The following ADGRD1 variants were observed in gnomAD, a reference collection of about 807,000 sequenced individuals.
ADGRD1 encodes the protein adhesion G protein-coupled receptor D1, also known as G-protein coupled receptor 133.
ADGRD1 carries 77 observed loss-of-function variants against 113.4 expected under a neutral mutation model. The ratio of observed to expected loss-of-function variants is 0.68; its 90% confidence interval spans 0.57 to 0.82. ADGRD1 has a LOEUF of 0.82. Ranked by LOEUF, ADGRD1 falls within the 40% of genes least tolerant of loss-of-function variation. ADGRD1 has a pLI of 0.00. For missense variants in ADGRD1, 1,036 were observed against 1,139.1 expected (o/e 0.91, Z 1.30); for synonymous variants, 474 against 475.0 (o/e 1.00, Z 0.03).
chr12:130,969,282 C>A (rs1299646484), intron 3 of ADGRD1: 1 of 522,282 alleles, frequency 1.9e-6, no homozygotes, highest in Admixed American at 3.6e-5. Context: ...GAACAGGGGT[C>A]CCCAGTCCCT....
intron 20 of ADGRD1, 31 bp downstream of exon 20, chr12:131,120,944 G>A (rs1160490886): frequency 2.2e-5 from 35 of 1,601,780 alleles, no homozygotes; most frequent in South Asian, 6.7e-5. Flanking sequence ...GGCGCAGAGC[G>A]GGGCTGGGGA....
At chr12:131,090,472 T>C (rs1257719640) in intron 15 of ADGRD1, among the ~76,000 whole-genome samples, 1 of 152,160 alleles carries the variant, frequency 6.6e-6, no homozygotes, top group African/African-American at 2.4e-5. Flanking sequence ...CCCTGGCTTT[T>C]CTCCATATCC....
At position 130,992,307 on chromosome 12, in the gene ADGRD1, G is replaced by A; in HGVS notation, c.881G>A (p.Gly294Glu). ...GAGAGAAAAACCTTCCAAAGTCCCG[G>A]AGTGATACTGAGTTACCTCCAAAAT... ...TEERKTFQSP[G>E]VILSYLQNVS... The change falls in exon 8 of 25, where the codon GGA becomes GAA. Residue 294 changes from glycine (G) to glutamate (E), a missense_variant. By Grantham distance (98) the Gly-to-Glu change is moderately conservative. Transcript: ENST00000261654. 2 of 1,612,956 alleles carry A rather than the reference G, an allele frequency of 1.2e-6. No individual in the cohort carries two copies. Among genetic ancestry groups the A allele is most frequent in the Non-Finnish European group, 1.7e-6 (2 of 1,179,112 alleles).
At chr12:130,963,277 G>A (rs569993775) in intron 2 of ADGRD1, among the ~76,000 whole-genome samples, 39 of 138,598 alleles carry the variant, frequency 2.8e-4, no homozygotes, top group Admixed American at 1.5e-3. Context: ...CCGAGATCGC[G>A]CCACTGCACT....
chr12:130,979,940 T>C (rs1872749856), intron 4 of ADGRD1, among the ~76,000 whole-genome samples: 1 of 151,520 alleles, frequency 6.6e-6, no homozygotes, highest in African/African-American at 2.4e-5. Context: ...CAACCAGAGC[T>C]CCAAAATGCA....
chr12:130,987,671 T>A (rs12810260), intron 6 of ADGRD1: 37,360 of 371,154 alleles, frequency 0.1, 2,276 homozygotes, highest in Middle Eastern at 0.16. Flanking sequence ...TCAACAAATG[T>A]TAGCCGTGTG....
rs569143205 is a variant in ADGRD1, at chr12:131,105,811, C to G, written c.1833C>G (p.Ala611=). The change falls in exon 17 of 25, where the codon GCC becomes GCG. Residue 611 remains alanine, a synonymous_variant. Coordinates refer to ENST00000261654, the MANE Select transcript of ADGRD1 (RefSeq NM_198827.5). ...ACATCCACGCCAACCTGTCCTTCGC[C>G]GTGCTGGTGGCCCAGGTCCTGCTGC... is the stretch of plus-strand genomic sequence containing the variant. ...RYHIHANLSF[A]VLVAQVLLLI... 1.2e-6 allele frequency: 2 copies of G among 1,601,096 alleles called. No homozygotes were observed. The highest frequency in any genetic ancestry group is 1.7e-6 in the Non-Finnish European group (2 of 1,179,944).
At chr12:130,990,787 T>C in intron 6 of ADGRD1, 1 of 459,994 alleles carries the variant, frequency 2.2e-6, no homozygotes, top group Non-Finnish European at 3.9e-6. Context: ...TCAAAAGCGA[T>C]TGAGAATACA....
At chr12:131,061,051 T>G (rs1053721362) in intron 13 of ADGRD1, among the ~76,000 whole-genome samples, 1 of 152,100 alleles carries the variant, frequency 6.6e-6, no homozygotes, top group Non-Finnish European at 1.5e-5. Flanking sequence ...GGGCGTCATA[T>G]TCTCCCTCCC....
In ADGRD1 at chr12:131,045,750, G is replaced by A. The variant is rs373887238; in HGVS notation, c.1474-31051G>A. Reference sequence around the variant, plus strand: ...CGAAGATCATGCTTTCTCCTTGGGGGACAAAGCACCACAGCTGCCGGCACC... The same window carrying A: ...CGAAGATCATGCTTTCTCCTTGGGGAACAAAGCACCACAGCTGCCGGCACC... On this transcript the variant is annotated intron_variant, in intron 13 of 24. Coordinates refer to ENST00000261654, the MANE Select transcript of ADGRD1 (RefSeq NM_198827.5). Among the ~76,000 whole-genome samples the A allele has an allele frequency of 1.2e-4, 18 of 152,260 alleles. No individual in the cohort carries two copies. In the East Asian group the frequency reaches 2.7e-3, roughly 23 times the overall value.
chr12:131,008,518 G>C (rs1045985321), intron 12 of ADGRD1, among the ~76,000 whole-genome samples: 1 of 152,212 alleles, frequency 6.6e-6, no homozygotes, highest in African/African-American at 2.4e-5. Context: ...GCCTGGGCCG[G>C]AAGGAACTTT....
intron 5 of ADGRD1, among the ~76,000 whole-genome samples, chr12:130,986,012 A>G (rs550225578): frequency 1.6e-5 from 2 of 126,302 alleles, no homozygotes; most frequent in African/African-American, 4.9e-5. Flanking sequence ...ATTCTGTCCC[A>G]CAGATCTATT....
At chr12:131,138,373 C>T (rs909712351) in intron 24 of ADGRD1, 144 bp downstream of exon 24, 5 of 675,972 alleles carry the variant, frequency 7.4e-6, no homozygotes, top group Middle Eastern at 3.6e-4. Context: ...GCAGGCTGCA[C>T]GTGCTCTGGG....
intron 13 of ADGRD1, among the ~76,000 whole-genome samples, chr12:131,032,166 CCCCCAGG>C (rs1880840330): frequency 6.7e-6 from 1 of 149,244 alleles, no homozygotes; most frequent in Non-Finnish European, 1.5e-5. Context: ...ACACAGGGCT[CCCCCAGG>C]CTCTACTGAA....
chr12:131,020,230 G>A (rs112278801), intron 13 of ADGRD1, among the ~76,000 whole-genome samples: 2,760 of 110,008 alleles, frequency 0.025, 370 homozygotes, highest in East Asian at 0.046. Flanking sequence ...GCAGGACCCC[G>A]AGCTCCATCC....
At chr12:131,103,158 C>T (rs901798353) in intron 15 of ADGRD1, among the ~76,000 whole-genome samples, 1 of 152,264 alleles carries the variant, frequency 6.6e-6, no homozygotes, top group South Asian at 2.1e-4. Context: ...CCTGCTGAGG[C>T]CTGAGCCGGC....
intron 18 of ADGRD1, among the ~76,000 whole-genome samples, chr12:131,112,352 C>A (rs1950365736): frequency 6.6e-6 from 1 of 152,190 alleles, no homozygotes. Context: ...TTGTTCCCAA[C>A]AATAGCTTGG....
intron 17 of ADGRD1, among the ~76,000 whole-genome samples, chr12:131,107,979 G>A (rs1593228227): frequency 1.3e-5 from 2 of 152,238 alleles, no homozygotes; most frequent in Middle Eastern, 6.8e-3. Context: ...CGCCCTGGCT[G>A]TTCCCAGCAC....
At chr12:131,029,169 T>G (rs1002521346) in intron 13 of ADGRD1, among the ~76,000 whole-genome samples, 1 of 152,254 alleles carries the variant, frequency 6.6e-6, no homozygotes. Flanking sequence ...GTTAGTGACT[T>G]CTGAGAGCTC....
Sources: allele counts gnomAD v4.1 joint callset (sites outside exome capture counted in the v4.1 genomes callset), GRCh38; gene constraint gnomAD v4.1.1; transcripts MANE v1.5; gene names NCBI Gene and HGNC (gene_info 2026-07-23, HGNC 2026-07-21).